The following GLB1 variants were observed in gnomAD, a reference collection of about 807,000 sequenced individuals.
GLB1 encodes the protein galactosidase beta 1, also known as beta-galactosidase.
GLB1 carries 56 observed loss-of-function variants against 74.0 expected under a neutral mutation model. That is an observed-to-expected ratio of 0.76 (90% CI 0.61 to 0.94). The LOEUF (loss-of-function observed/expected upper bound fraction) is 0.94. Ranked by LOEUF, GLB1 falls within the 40% of genes least tolerant of loss-of-function variation. The pLI is 0.00. For synonymous variants in GLB1, 323 were observed against 323.6 expected (o/e 1.00, Z 0.02); for missense variants, 787 against 845.5 (o/e 0.93, Z 0.86).
chr3:32,974,683 G>A, the GLB1 span, among the ~76,000 whole-genome samples: 1 of 152,134 alleles, frequency 6.6e-6, no homozygotes, highest in African/African-American at 2.4e-5. Context: ...GCCATCTTGA[G>A]ACCCTAAAAG....
chr3:33,039,682 G>T (rs1434778161), intron 10 of GLB1, among the ~76,000 whole-genome samples: 1 of 152,142 alleles, frequency 6.6e-6, no homozygotes, highest in African/African-American at 2.4e-5. Context: ...AGGCAAGGTG[G>T]GAGAACGAAG....
intron 12 of GLB1, among the ~76,000 whole-genome samples, chr3:33,020,505 G>T (rs1441762519): frequency 6.6e-6 from 1 of 152,152 alleles, no homozygotes; most frequent in Non-Finnish European, 1.5e-5. Context: ...CCTTTGTTGT[G>T]TTCATGTCCA....
the GLB1 span, among the ~76,000 whole-genome samples, chr3:32,973,575 A>C: frequency 6.6e-6 from 1 of 151,854 alleles, no homozygotes; most frequent in Non-Finnish European, 1.5e-5. Flanking sequence ...TGAACTCCTG[A>C]CCTCAAGTGA....
rs963486925 is a variant in GLB1, at chr3:33,068,456, A to G, written c.397-166T>C. On this transcript the variant is annotated intron_variant, in intron 3 of 15. Coordinates refer to ENST00000307363, the MANE Select transcript of GLB1 (RefSeq NM_000404.4). The stretch of plus-strand genomic sequence containing the variant: ...AACTTGCAGAGAAATTAGAAATTGG[A>G]ATGTAGGACAATTAAGATCACTCTG... Among the ~76,000 whole-genome samples, 6 of 152,166 alleles carry G rather than the reference A, an allele frequency of 3.9e-5. No homozygotes were observed. In the South Asian group the frequency reaches 1.2e-3, roughly 32 times the overall value.
downstream of GLB1, among the ~76,000 whole-genome samples, chr3:32,995,643 A>G (rs1254293590): frequency 6.6e-6 from 1 of 152,000 alleles, no homozygotes; most frequent in African/African-American, 2.4e-5. Context: ...AACATTACAG[A>G]TTGACATAAA....
intron 6 of GLB1, among the ~76,000 whole-genome samples, chr3:33,054,817 G>A (rs1699148188): frequency 6.6e-6 from 1 of 152,148 alleles, no homozygotes; most frequent in African/African-American, 2.4e-5. Context: ...TCTCCACAGA[G>A]AAGGAATGGG....
In GLB1 at chr3:32,996,657, C is replaced by A; in HGVS notation, c.*388G>T. ...AGTTAGTGAAGTGGTTTATTCAGCC[C>A]ACTCAAGTCTAGTTATGATTTAAGT... is the stretch of plus-strand genomic sequence containing the variant. On this transcript the variant is annotated 3_prime_UTR_variant, in exon 16 of 16. Coordinates refer to ENST00000307363, the MANE Select transcript of GLB1 (RefSeq NM_000404.4). The A allele has an allele frequency of 7.0e-6, 2 of 284,848 alleles. No individual in the cohort carries two copies. The highest frequency in any genetic ancestry group is 4.9e-5 in the Admixed American group (1 of 20,506). The allele number at this position is 284,848 out of a possible 1,614,324, so 17.6% of individuals were successfully genotyped here. A position where few individuals can be genotyped will look rare whatever the true frequency, so the allele number is the denominator to read the frequency against.
intron 15 of GLB1, among the ~76,000 whole-genome samples, chr3:33,008,369 C>T (rs1372791755): frequency 6.6e-6 from 1 of 152,062 alleles, no homozygotes; most frequent in East Asian, 1.9e-4. Context: ...GGATCTTGCC[C>T]TGAAGGAAGA....
At chr3:33,013,998 G>C (rs1393435636) in intron 15 of GLB1, 58 bp downstream of exon 15, 1 of 1,613,360 alleles carries the variant, frequency 6.2e-7, no homozygotes, top group African/African-American at 1.3e-5. Flanking sequence ...TTCTTTCTCA[G>C]ACACTAACAA....
rs775148385 is a variant in GLB1, at chr3:33,018,187, G to A, written c.1347+261C>T. On this transcript the variant is annotated intron_variant, in intron 13 of 15. Transcript: ENST00000307363. ...TGTAGTCTCAGCTACTTGGGAGGCC[G>A]AGGTAGCAGGATCACTTGAGCCTGG... Among the ~76,000 whole-genome samples, 13 of 149,674 alleles carry A rather than the reference G, an allele frequency of 8.7e-5. No homozygotes were observed. In the South Asian group the frequency reaches 1.7e-3, roughly 20 times the overall value.
the GLB1 span, among the ~76,000 whole-genome samples, chr3:32,988,357 C>T: frequency 3.3e-5 from 5 of 152,078 alleles, no homozygotes; most frequent in Non-Finnish European, 7.4e-5. Flanking sequence ...TTGGGACCAA[C>T]GTGTTGTTGA....
chr3:33,038,018 TCAAAAA>T (rs1559394328), intron 10 of GLB1: 1 of 30,844 alleles, frequency 3.2e-5, no homozygotes, highest in African/African-American at 1.3e-4. Flanking sequence ...GGGCGACTCT[TCAAAAA>T]AAAAAAAAAA....
the GLB1 span, among the ~76,000 whole-genome samples, chr3:32,978,911 C>A: frequency 6.7e-6 from 1 of 149,858 alleles, no homozygotes; most frequent in South Asian, 2.1e-4. Flanking sequence ...AGGGGCCCAC[C>A]ACCACACCCG....
In GLB1 at chr3:33,097,048, A is replaced by G. The variant is rs370546727; in HGVS notation, c.38T>C (p.Leu13Pro). ...GFLVRILPLL[L>P]VLLLLGPTRG... ...CGTAGGGCCCAGAAGCAGCAGAACCAGCAACAGAGGGAGGATGCGAACCAG... is the reference window on the plus strand; with the variant it reads ...CGTAGGGCCCAGAAGCAGCAGAACCGGCAACAGAGGGAGGATGCGAACCAG... Residue 13 changes from leucine (L) to proline (P), a missense_variant, in exon 1 of 16, where the codon CTG becomes CCG. Physicochemically the swap from Leu to Pro is moderately conservative, Grantham distance 98 (BLOSUM62 -3). Transcript: ENST00000307363. 1.9e-6 allele frequency: 3 copies of G among 1,612,034 alleles called. No homozygotes were observed. The highest frequency in any genetic ancestry group is 2.2e-5 in the South Asian group (2 of 90,890).
downstream of GLB1, among the ~76,000 whole-genome samples, chr3:32,995,972 A>C (rs767711872): frequency 2.2e-4 from 33 of 152,176 alleles, no homozygotes; most frequent in South Asian, 4.1e-4. Context: ...AGTTATTCCT[A>C]ACCTTTCTTG....
At chr3:32,978,495 T>C in the GLB1 span, among the ~76,000 whole-genome samples, 1 of 151,576 alleles carries the variant, frequency 6.6e-6, no homozygotes, top group East Asian at 1.9e-4. Flanking sequence ...ACAATAGGAG[T>C]TTTGTAACAG....
chr3:33,058,930 C>T (rs756245056), intron 5 of GLB1, among the ~76,000 whole-genome samples: 5 of 152,100 alleles, frequency 3.3e-5, no homozygotes, highest in African/African-American at 4.8e-5. Context: ...TCAATAACAT[C>T]GGTGGTTCTC....
the GLB1 span, among the ~76,000 whole-genome samples, chr3:32,980,233 T>A: frequency 1.3e-5 from 2 of 152,366 alleles, no homozygotes; most frequent in African/African-American, 2.4e-5. Context: ...AAATTTTTTT[T>A]AAAATACAAG....
At chr3:33,014,638 C>T (rs1697168495) in intron 14 of GLB1, among the ~76,000 whole-genome samples, 1 of 152,172 alleles carries the variant, frequency 6.6e-6, no homozygotes, top group Non-Finnish European at 1.5e-5. Flanking sequence ...CAGAGTTTGG[C>T]TGAGAGCCAC....
Sources: allele counts gnomAD v4.1 joint callset (sites outside exome capture counted in the v4.1 genomes callset), GRCh38; gene constraint gnomAD v4.1.1; transcripts MANE v1.5; gene names NCBI Gene and HGNC (gene_info 2026-07-23, HGNC 2026-07-21).